The following SGO1 variants were observed in gnomAD, a reference collection of about 807,000 sequenced individuals.
The protein encoded by SGO1 is shugoshin 1.
A neutral mutation model predicts 50.5 loss-of-function variants in SGO1; 39 were observed. The ratio of observed to expected loss-of-function variants is 0.77; its 90% confidence interval spans 0.60 to 1.01. SGO1 has a LOEUF of 1.01. Ranked by LOEUF, SGO1 falls within the 50% of genes least tolerant of loss-of-function variation. The probability of loss-of-function intolerance (pLI) is 0.00; values close to 1 mark genes in which losing one functional copy is unlikely to be tolerated. For synonymous variants in SGO1, 191 were observed against 205.1 expected, an observed-to-expected ratio of 0.93 and a Z score of 0.59; for missense variants, 638 against 606.0, an observed-to-expected ratio of 1.05 and a Z score of -0.55.
Position 20,169,705 on chromosome 3 carries a change from T to G in SGO1, c.*999A>C, listed in dbSNP as rs1007201605. The G allele has an allele frequency of 1.1e-6, 1 of 909,296 alleles. No homozygotes were observed. The highest frequency in any genetic ancestry group is 1.3e-6 in the Non-Finnish European group (1 of 760,682). The allele number at this position is 909,296 out of a possible 1,614,324, so 56.3% of individuals were successfully genotyped here. ...CCTGAAAGTACATGACATTTGTAAT[T>G]TTATGGAGACATCACTCTGAACATA... On this transcript the variant is annotated 3_prime_UTR_variant, in exon 8 of 8. Transcript: ENST00000412997.
downstream of SGO1, among the ~76,000 whole-genome samples, chr3:20,167,471 T>C (rs1432227021): frequency 6.6e-6 from 1 of 152,142 alleles, no homozygotes; most frequent in African/African-American, 2.4e-5. Context: ...GTGTAGACTA[T>C]ATAAAAAATC....
chr3:20,176,634 G>C lies in SGO1; in HGVS notation c.442C>G (p.Leu148Val), dbSNP rs1054730358. The change falls in exon 5 of 8, where the codon CTT becomes GTT. Residue 148 changes from leucine (L) to valine (V), a missense_variant. Physicochemically the swap from Leu to Val is conservative, Grantham distance 32. Coordinates refer to ENST00000412997, the MANE Select transcript of SGO1 (RefSeq NM_001199251.3). Reference protein sequence around the residue: ...LPQIPLEETELPGQGESFQIE... With the variant: ...LPQIPLEETEVPGQGESFQIE... ...TGAAATGATTCTCCTTGTCCTGGAA[G>C]TTCAGTTTCTTCAAGAGGAATTTGC... 2 of 1,562,680 alleles carry C rather than the reference G, an allele frequency of 1.3e-6. No homozygotes were observed.
intron 3 of SGO1, among the ~76,000 whole-genome samples, chr3:20,181,161 A>G (rs1701975975): frequency 6.6e-6 from 1 of 152,196 alleles, no homozygotes; most frequent in African/African-American, 2.4e-5. Context: ...TCCACCCCCA[A>G]CCTACCCTGG....
intron 8 of SGO1, among the ~76,000 whole-genome samples, chr3:20,161,769 G>A (rs973354275): frequency 6.6e-6 from 1 of 152,138 alleles, no homozygotes; most frequent in Non-Finnish European, 1.5e-5. Flanking sequence ...TAAAAAGCAT[G>A]AATATTTATA....
chr3:20,172,026 T>A (rs1700799392), intron 6 of SGO1, among the ~76,000 whole-genome samples: 1 of 152,248 alleles, frequency 6.6e-6, no homozygotes, highest in African/African-American at 2.4e-5. Flanking sequence ...CTAAGAGCCA[T>A]ATGCTCCAGT....
Position 20,170,511 on chromosome 3 carries a change from A to G in SGO1, c.*193T>C, listed in dbSNP as rs143399015. On this transcript the variant is annotated 3_prime_UTR_variant, in exon 8 of 8. Coordinates refer to ENST00000412997, the MANE Select transcript of SGO1 (RefSeq NM_001199251.3). ...TATTTATATTCAAAAGAAAAAATAA[A>G]TTAAATTTATTAAAGTTTTAATACA... 2,343 of 1,171,126 alleles carry G rather than the reference A, an allele frequency of 2.0e-3. 44 individuals are homozygous for G. The African/African-American group carries it at 0.034, about 17-fold the overall frequency. The allele number at this position is 1,171,126 out of a possible 1,614,324, so 72.5% of individuals were successfully genotyped here.
At chr3:20,176,854 G>A (rs74893370) in intron 4 of SGO1, among the ~76,000 whole-genome samples, 195 bp from the exon 5 acceptor site, 9 of 152,312 alleles carry the variant, frequency 5.9e-5, no homozygotes, top group African/African-American at 1.9e-4. Context: ...TGTTATGACT[G>A]ACATTCAATT....
Position 20,171,055 on chromosome 3 carries a change from G to T in SGO1, c.1460C>A (p.Pro487His), listed in dbSNP as rs181464459. 17 of 1,586,830 alleles carry T rather than the reference G, an allele frequency of 1.1e-5. No homozygotes were observed. The East Asian group carries it at 3.4e-4, about 32-fold the overall frequency. The stretch of plus-strand genomic sequence containing the variant: ...ACCAAATACTTACGAAGCGAGGGTG[G>T]GCTCCTTATAGTTCACGCTGGCTGT... The part of the protein sequence containing the change: ...RCTASVNYKE[P>H]TLASKLRRGD... Residue 487 changes from proline to histidine, a missense_variant, in exon 7 of 8, where the codon CCC (proline) becomes CAC (histidine). By Grantham distance (77) the Pro-to-His change is moderately conservative. Coordinates refer to ENST00000412997, the MANE Select transcript of SGO1 (RefSeq NM_001199251.3).
intron 4 of SGO1, among the ~76,000 whole-genome samples, 180 bp from the exon 5 acceptor site, chr3:20,176,839 T>G (rs1559364807): frequency 6.6e-6 from 1 of 152,350 alleles, no homozygotes; most frequent in East Asian, 1.9e-4. Flanking sequence ...ACAGGGAGAC[T>G]GATTTGTTAT....
chr3:20,184,808 CTATACT>C (rs60641475), intron 1 of SGO1, among the ~76,000 whole-genome samples: 28,820 of 150,172 alleles, frequency 0.19, 3,091 homozygotes, highest in East Asian at 0.39. Flanking sequence ...AAATACATAA[CTATACT>C]TAATCTTTCA....
chr3:20,170,743 A>G lies in SGO1; in HGVS notation c.1545T>C (p.Asp515=). The G allele has an allele frequency of 6.3e-7, 1 of 1,592,274 alleles. No individual in the cohort carries two copies. Among genetic ancestry groups the G allele is most frequent in the Non-Finnish European group, 8.5e-7 (1 of 1,175,030 alleles). Residue 515 remains aspartate, a synonymous_variant, in exon 8 of 8, where the codon GAT becomes GAC. Coordinates refer to ENST00000412997, the MANE Select transcript of SGO1 (RefSeq NM_001199251.3). ...TCATACTTTTTTTAGAACGTCTCAA[A>G]TCCTTTTTCTGCTTGAAAATAGGAG... ...LNSPIFKQKK[D]LRRSKKSMKQ... is the part of the protein sequence containing the mutation.
chr3:20,174,489 A>C lies in SGO1; in HGVS notation c.1042T>G (p.Phe348Val). 1 of 1,614,166 alleles carries C rather than the reference A, an allele frequency of 6.2e-7. No homozygotes were observed. Among genetic ancestry groups the C allele is most frequent in the Non-Finnish European group, 8.5e-7 (1 of 1,180,014 alleles). Residue 348 changes from phenylalanine to valine, a missense_variant, in exon 6 of 8, where the codon TTC (phenylalanine) becomes GTC (valine). Transcript: ENST00000412997. ...NLEEGVHLTPFRQKVSNDSNR... is the reference protein window; with the variant it reads ...NLEEGVHLTPVRQKVSNDSNR... ...GAGTCATTGCTCACTTTTTGTCGGAAAGGAGTAAGATGAACACCCTCTTCC... is the reference window on the plus strand; with the variant it reads ...GAGTCATTGCTCACTTTTTGTCGGACAGGAGTAAGATGAACACCCTCTTCC...
intron 4 of SGO1, among the ~76,000 whole-genome samples, chr3:20,177,907 T>C (rs1701582539): frequency 6.6e-6 from 1 of 152,094 alleles, no homozygotes; most frequent in East Asian, 1.9e-4. Context: ...ATTTATTTTC[T>C]GAACCAGACT....
At chr3:20,176,571 A>G (rs1370675749) in intron 5 of SGO1, 30 bp downstream of exon 5, 1 of 1,387,318 alleles carries the variant, frequency 7.2e-7, no homozygotes, top group African/African-American at 1.5e-5. Context: ...TTTGCCCTTA[A>G]TAATATTTTT....
chr3:20,182,798 C>G (rs1702173269), intron 3 of SGO1, among the ~76,000 whole-genome samples: 1 of 152,120 alleles, frequency 6.6e-6, no homozygotes, highest in South Asian at 2.1e-4. Flanking sequence ...ATGGGCGGAT[C>G]ACGAGGTCAG....
chr3:20,173,847 T>G (rs1200973352), intron 6 of SGO1, among the ~76,000 whole-genome samples: 1 of 152,224 alleles, frequency 6.6e-6, no homozygotes, highest in Non-Finnish European at 1.5e-5. Context: ...TCACGGTTCC[T>G]GTCAAATTTA....
downstream of SGO1, chr3:20,169,011 T>C (rs932752668): frequency 4.1e-6 from 4 of 984,150 alleles, no homozygotes. Flanking sequence ...AATTAAAGAA[T>C]AAGTATGAAG....
downstream of SGO1, among the ~76,000 whole-genome samples, chr3:20,165,213 G>A (rs1700234255): frequency 6.6e-6 from 1 of 152,208 alleles, no homozygotes; most frequent in Non-Finnish European, 1.5e-5. Context: ...GGAAGCAAGA[G>A]AGAAGTGGCA....
intron 8 of SGO1, chr3:20,161,254 TACAGAGA>T (rs1700024584): frequency 9.3e-6 from 14 of 1,510,374 alleles, no homozygotes; most frequent in Middle Eastern, 1.8e-4. Context: ...AAAATCAGTC[TACAGAGA>T]TGTTTCTACA....
Sources: gnomAD v4.1 joint callset for allele counts (sites outside exome capture counted in the v4.1 genomes callset) on GRCh38, gnomAD v4.1.1 for gene constraint, MANE v1.5 for transcripts, NCBI Gene and HGNC (gene_info 2026-07-23, HGNC 2026-07-21) for gene names.